Variants in BEND6 observed in about 807,000 individuals in gnomAD.
BEND6 encodes the protein BEN domain-containing protein 6.
In BEND6, 24 loss-of-function variants were observed where a neutral mutation model predicts 31.8. The ratio of observed to expected loss-of-function variants is 0.75; its 90% CI spans 0.55 to 1.06. BEND6 has a LOEUF of 1.06. Among genes scored for constraint, BEND6 ranks in the 50% least tolerant of loss-of-function variants. BEND6 has a pLI of 0.00. For missense variants in BEND6, 294 were observed against 327.4 expected, an observed-to-expected ratio of 0.90 and a Z score of 0.79; for synonymous variants, 109 against 114.6, an observed-to-expected ratio of 0.95 and a Z score of 0.31.
intron 1 of BEND6, among the ~76,000 whole-genome samples, chr6:56,981,249 A>G (rs1023942562): frequency 3.3e-5 from 5 of 152,188 alleles, no homozygotes; most frequent in African/African-American, 1.2e-4. Flanking sequence ...TTCAAGACTT[A>G]AGAACTTTTA....
intron 1 of BEND6, among the ~76,000 whole-genome samples, chr6:56,956,720 G>T (rs2127835154): frequency 6.6e-6 from 1 of 152,352 alleles, no homozygotes; most frequent in East Asian, 1.9e-4. Context: ...CTAGCACTCA[G>T]AGTGGGTGAC....
intron 1 of BEND6, among the ~76,000 whole-genome samples, chr6:56,977,800 T>TA (rs895310957): frequency 4.0e-5 from 6 of 151,474 alleles, no homozygotes; most frequent in Non-Finnish European, 7.4e-5. Flanking sequence ...CTACGAAAAA[T>TA]AAAAAAATTA....
chr6:56,968,388 A>G lies in BEND6; in HGVS notation c.-101+12928A>G, dbSNP rs1825566336. Among the ~76,000 whole-genome samples the G allele has an allele frequency of 2.9e-5, 4 of 138,664 alleles. No homozygotes were observed. In the Admixed American group the frequency reaches 3.2e-4, roughly 11 times the overall value. The allele number at this position is 138,664 out of a possible 152,430, so 91.0% of individuals were successfully genotyped here. On this transcript the variant is annotated intron_variant, in intron 1 of 6. Transcript: ENST00000370746. ...CAGGCTGGAGTGCAGCAACAGGAAC[A>G]CAGCTCACTGCAGCCTCAAACTCCT...
At chr6:57,016,631 A>G (rs1035126537) in intron 4 of BEND6, among the ~76,000 whole-genome samples, 1 of 152,328 alleles carries the variant, frequency 6.6e-6, no homozygotes, top group East Asian at 1.9e-4. Context: ...AGCAACAGCA[A>G]GTGAAGTCCC....
intron 3 of BEND6, among the ~76,000 whole-genome samples, chr6:57,003,888 T>C (rs1827042921): frequency 6.6e-6 from 1 of 152,176 alleles, no homozygotes; most frequent in Non-Finnish European, 1.5e-5. Context: ...CACAAATCAA[T>C]AAATGTGATT....
At chr6:56,964,564 T>TG (rs925446494) in intron 1 of BEND6, among the ~76,000 whole-genome samples, 1 of 151,896 alleles carries the variant, frequency 6.6e-6, no homozygotes, top group Non-Finnish European at 1.5e-5. Flanking sequence ...TGCAGTGGCC[T>TG]GATCATAGCT....
chr6:57,018,679 A>C, intron 6 of BEND6, 122 bp downstream of exon 6: 1 of 1,041,006 alleles, frequency 9.6e-7, no homozygotes, highest in South Asian at 3.4e-5. Context: ...ATGAAAAGCT[A>C]ATAGGTATTC....
intron 2 of BEND6, among the ~76,000 whole-genome samples, chr6:56,985,378 C>G (rs1231171602): frequency 6.6e-6 from 1 of 152,074 alleles, no homozygotes; most frequent in Non-Finnish European, 1.5e-5. Flanking sequence ...GGTGCTATGG[C>G]AGCTCCACAT....
At chr6:56,964,402 T>G (rs1825395655) in intron 1 of BEND6, among the ~76,000 whole-genome samples, 1 of 152,222 alleles carries the variant, frequency 6.6e-6, no homozygotes. Context: ...CAAGGTTCTG[T>G]GTCCTGCTGA....
intron 6 of BEND6, among the ~76,000 whole-genome samples, chr6:57,021,786 A>G (rs1827751127): frequency 6.6e-6 from 1 of 152,210 alleles, no homozygotes; most frequent in African/African-American, 2.4e-5. Context: ...GTAATGTTAC[A>G]TAACATATAT....
At chr6:57,020,209 T>G (rs1827693317) in intron 6 of BEND6, among the ~76,000 whole-genome samples, 1 of 152,166 alleles carries the variant, frequency 6.6e-6, no homozygotes, top group Non-Finnish European at 1.5e-5. Context: ...AAATATGCCC[T>G]TAGTACTTCC....
chr6:56,977,273 G>A (rs1008954101), intron 1 of BEND6, among the ~76,000 whole-genome samples: 1 of 152,132 alleles, frequency 6.6e-6, no homozygotes, highest in South Asian at 2.1e-4. Context: ...AGTTTTTATT[G>A]TTTCTTAATG....
At chr6:56,969,874 C>T (rs528611724) in intron 1 of BEND6, among the ~76,000 whole-genome samples, 6 of 151,970 alleles carry the variant, frequency 3.9e-5, no homozygotes, top group East Asian at 1.9e-4. Context: ...CCTTTTTCTA[C>T]GTCTTAATTC....
chr6:56,975,122 T>A (rs912377608), intron 1 of BEND6, among the ~76,000 whole-genome samples: 16 of 151,512 alleles, frequency 1.1e-4, no homozygotes, highest in African/African-American at 3.9e-4. Flanking sequence ...TCTCAAAAAA[T>A]AATAATAAAA....
At chr6:56,997,314 C>T (rs1826757070) in intron 3 of BEND6, among the ~76,000 whole-genome samples, 1 of 152,146 alleles carries the variant, frequency 6.6e-6, no homozygotes, top group African/African-American at 2.4e-5. Flanking sequence ...AAAATTTCAA[C>T]CTTTCTTCTC....
intron 3 of BEND6, among the ~76,000 whole-genome samples, chr6:57,013,596 C>T (rs1044266879): frequency 6.6e-6 from 1 of 152,198 alleles, no homozygotes; most frequent in African/African-American, 2.4e-5. Flanking sequence ...GACTTGGCCC[C>T]ACCGTGAGTC....
In BEND6 at chr6:56,987,608, G is replaced by A. The variant is rs573788224; in HGVS notation, c.121-4770G>A. On this transcript the variant is annotated intron_variant, in intron 2 of 6. Coordinates refer to ENST00000370746, the MANE Select transcript of BEND6 (RefSeq NM_152731.3). ...ATCCCCTTTCCCCCTAAAGGGCAGG[G>A]GCAAGAAGAGCAAAGACATTTAAAT... Among the ~76,000 whole-genome samples, 6 of 152,214 alleles carry A rather than the reference G, an allele frequency of 3.9e-5. No individual in the cohort carries two copies. In the East Asian group the frequency reaches 1.2e-3, roughly 29 times the overall value.
At chr6:57,008,375 T>A in intron 3 of BEND6, 1 of 621,066 alleles carries the variant, frequency 1.6e-6, no homozygotes, top group Non-Finnish European at 2.9e-6. Flanking sequence ...CTTTGATGTC[T>A]GGGCACTGAT....
chr6:57,000,736 C>T (rs997977123), intron 3 of BEND6, among the ~76,000 whole-genome samples: 11 of 150,888 alleles, frequency 7.3e-5, no homozygotes, highest in African/African-American at 9.7e-5. Context: ...GGCTGGGAGG[C>T]GATTCCTTTC....
Sources: allele counts gnomAD v4.1 joint callset (sites outside exome capture counted in the v4.1 genomes callset), GRCh38; gene constraint gnomAD v4.1.1; transcripts MANE v1.5; gene names NCBI Gene and HGNC (gene_info 2026-07-23, HGNC 2026-07-21).